ORC2: variants seen among roughly 807,000 people sequenced by gnomAD.
ORC2 encodes origin recognition complex subunit 2.
ORC2 carries 37 observed loss-of-function variants against 77.7 expected under a neutral mutation model. That is an observed-to-expected ratio of 0.48 (90% CI 0.37 to 0.63). ORC2 has a LOEUF of 0.63. ORC2 is among the 20% of genes least tolerant of loss of function. The pLI, the probability that ORC2 is intolerant of heterozygous loss-of-function variation, is 0.00. For synonymous variants in ORC2, 201 were observed against 229.5 expected (o/e 0.88, Z 1.12); for missense variants, 557 against 661.9 (o/e 0.84, Z 1.74).
At chr2:200,947,722 G>C (rs1379257677) in intron 5 of ORC2, among the ~76,000 whole-genome samples, 1 of 151,898 alleles carries the variant, frequency 6.6e-6, no homozygotes, top group Non-Finnish European at 1.5e-5. Context: ...TCGAAATACA[G>C]TGCCATCTGA....
chr2:200,940,576 T>C (rs1376167900), intron 7 of ORC2, among the ~76,000 whole-genome samples: 1 of 151,524 alleles, frequency 6.6e-6, no homozygotes, highest in African/African-American at 2.4e-5. Flanking sequence ...CCCAGGTGGA[T>C]GGATCACTTG....
chr2:200,953,500 T>C (rs1446100326), intron 4 of ORC2, among the ~76,000 whole-genome samples: 4 of 151,814 alleles, frequency 2.6e-5, no homozygotes, highest in South Asian at 2.1e-4. Flanking sequence ...ATATGTAAAA[T>C]GGTGCAGCCA....
intron 15 of ORC2, among the ~76,000 whole-genome samples, chr2:200,916,902 G>A (rs886962721): frequency 6.6e-6 from 1 of 151,532 alleles, no homozygotes; most frequent in African/African-American, 2.4e-5. Context: ...CACCATGTTA[G>A]CCAGGATGGT....
chr2:200,920,111 T>C, intron 15 of ORC2, 111 bp downstream of exon 15: 1 of 726,372 alleles, frequency 1.4e-6, no homozygotes, highest in Non-Finnish European at 2.2e-6. Flanking sequence ...ATTACTATAA[T>C]TTCACTTAAT....
chr2:200,912,053 T>C (rs1276045231), intron 17 of ORC2, among the ~76,000 whole-genome samples: 1 of 152,242 alleles, frequency 6.6e-6, no homozygotes, highest in Non-Finnish European at 1.5e-5. Flanking sequence ...TCTTGGCTTC[T>C]GTGACATCAC....
chr2:200,942,809 A>G, intron 5 of ORC2, 32 bp from the exon 6 acceptor site: 1 of 1,340,998 alleles, frequency 7.5e-7, no homozygotes, highest in Non-Finnish European at 1.1e-6. Flanking sequence ...AAAACCTTTT[A>G]AAGGACAACA....
chr2:200,915,971 A>G (rs1230869529), intron 15 of ORC2, among the ~76,000 whole-genome samples: 1 of 152,202 alleles, frequency 6.6e-6, no homozygotes, highest in Non-Finnish European at 1.5e-5. Context: ...CTAGGATTAT[A>G]GGAGTGAGCC....
At chr2:200,935,146 C>A (rs576376526) in intron 9 of ORC2, among the ~76,000 whole-genome samples, 2 of 152,128 alleles carry the variant, frequency 1.3e-5, no homozygotes, top group South Asian at 4.1e-4. Context: ...ATTTTTGAGA[C>A]GGAGTTTCGT....
At chr2:200,950,708 T>C (rs1227300472) in intron 4 of ORC2, among the ~76,000 whole-genome samples, 1 of 152,212 alleles carries the variant, frequency 6.6e-6, no homozygotes, top group Non-Finnish European at 1.5e-5. Flanking sequence ...TGAAAGTTGT[T>C]TTCATTTAAA....
chr2:200,956,185 C>G (rs922345365), intron 4 of ORC2, among the ~76,000 whole-genome samples: 4 of 151,478 alleles, frequency 2.6e-5, no homozygotes, highest in Non-Finnish European at 4.4e-5. Context: ...TCTGCGTTAG[C>G]CTCCCAAGTA....
At chr2:200,929,508 G>A (rs1217628642) in intron 11 of ORC2, among the ~76,000 whole-genome samples, 1 of 152,076 alleles carries the variant, frequency 6.6e-6, no homozygotes, top group East Asian at 1.9e-4. Context: ...GAATGACTCA[G>A]GGCTGGGCGC....
In ORC2 at chr2:200,909,033, C is replaced by G. The variant is rs1011116006; in HGVS notation, c.*2268G>C. 1.3e-5 allele frequency: 2 copies of G among 152,202 alleles called. No individual in the cohort carries two copies. The highest frequency in any genetic ancestry group is 4.8e-5 in the African/African-American group (2 of 41,544). 9.4% of individuals were successfully genotyped at this position (152,202 alleles called of 1,614,324 possible). ...TTATTAATAATAAAGTCTACTGACA[C>G]ATACTGCTTGCAAATAGTATAGACA... On this transcript the variant is annotated 3_prime_UTR_variant, in exon 18 of 18. Coordinates refer to ENST00000234296, the MANE Select transcript of ORC2 (RefSeq NM_006190.5).
chr2:200,942,722 A>C lies in ORC2; in HGVS notation c.384T>G (p.Asp128Glu), dbSNP rs1231146160. Residue 128 changes from aspartate to glutamate, a missense_variant, in exon 6 of 18, where the codon GAT (aspartate) becomes GAG (glutamate). Physicochemically the swap from Asp to Glu is conservative, Grantham distance 45. Coordinates refer to ENST00000234296, the MANE Select transcript of ORC2 (RefSeq NM_006190.5). ...QKSVSFSLKNDPEITINVPQS... is the reference protein window; with the variant it reads ...QKSVSFSLKNEPEITINVPQS... ...GAGGAACGTTTATCGTAATCTCAGG[A>C]TCATTCTTCAAACTGAATGAAACAC... is the stretch of plus-strand genomic sequence containing the variant. 1.2e-6 allele frequency: 2 copies of C among 1,610,428 alleles called. No homozygotes were observed. Among genetic ancestry groups the C allele is most frequent in the Non-Finnish European group, 1.7e-6 (2 of 1,177,962 alleles).
intron 2 of ORC2, among the ~76,000 whole-genome samples, chr2:200,958,491 A>G (rs1327300001): frequency 6.6e-6 from 1 of 152,206 alleles, no homozygotes; most frequent in East Asian, 1.9e-4. Flanking sequence ...GGTGGTTAAT[A>G]CATGAGTGTT....
chr2:200,932,779 T>C (rs1575165233), intron 10 of ORC2, among the ~76,000 whole-genome samples: 1 of 152,212 alleles, frequency 6.6e-6, no homozygotes, highest in Non-Finnish European at 1.5e-5. Flanking sequence ...TTTCCTCTTA[T>C]GCCTCTGCCA....
At chr2:200,911,862 T>C (rs897118902) in intron 17 of ORC2, among the ~76,000 whole-genome samples, 2 of 152,230 alleles carry the variant, frequency 1.3e-5, no homozygotes, top group African/African-American at 4.8e-5. Context: ...GCAGTCTCCA[T>C]TTCCACACTT....
chr2:200,920,898 T>C, intron 14 of ORC2, 95 bp downstream of exon 14: 2 of 793,234 alleles, frequency 2.5e-6, no homozygotes, highest in Non-Finnish European at 1.8e-6. Flanking sequence ...GGAAAAAGCG[T>C]ACTAAAAACA....
chr2:200,923,033 T>C (rs1054485387), intron 13 of ORC2, among the ~76,000 whole-genome samples: 9 of 152,328 alleles, frequency 5.9e-5, no homozygotes, highest in Admixed American at 2.6e-4. Flanking sequence ...TAATTCACTA[T>C]ATGCCCACAT....
chr2:200,938,092 A>G, intron 7 of ORC2, 126 bp from the exon 8 acceptor site: 1 of 607,890 alleles, frequency 1.6e-6, no homozygotes, highest in Non-Finnish European at 2.9e-6. Flanking sequence ...AGATGAGCTT[A>G]GTTCCTAGAA....
Sources: gnomAD v4.1 joint callset for allele counts (sites outside exome capture counted in the v4.1 genomes callset) on GRCh38, gnomAD v4.1.1 for gene constraint, MANE v1.5 for transcripts, NCBI Gene and HGNC (gene_info 2026-07-23, HGNC 2026-07-21) for gene names.